KDM6A: variants seen among roughly 807,000 people sequenced by gnomAD.
The protein encoded by KDM6A is lysine-specific demethylase 6A.
A neutral mutation model predicts 117.6 loss-of-function variants in KDM6A; 11 were observed. The ratio of observed to expected loss-of-function variants is 0.09; its 90% CI spans 0.06 to 0.15. The LOEUF (loss-of-function observed/expected upper bound fraction) is 0.15, where lower values mean the gene tolerates loss of function less well. Ranked by LOEUF, KDM6A falls within the 10% of genes least tolerant of loss-of-function variation. The probability of loss-of-function intolerance (pLI) is 1.00; values close to 1 mark genes in which losing one functional copy is unlikely to be tolerated. For synonymous variants in KDM6A, 384 were observed against 396.1 expected, an observed-to-expected ratio of 0.97 and a Z score of 0.36; for missense variants, 799 against 1,077.3, an observed-to-expected ratio of 0.74 and a Z score of 3.62.
At chrX:44,916,430 A>G (rs956018901) in intron 2 of KDM6A, among the ~76,000 whole-genome samples, 1 of 111,093 alleles carries the variant, frequency 9.0e-6, no homozygotes, top group African/African-American at 3.3e-5. Context: ...ATCTGTAGCA[A>G]TTTACTTATC....
At chrX:44,981,840 T>C (rs939389927) in intron 4 of KDM6A, among the ~76,000 whole-genome samples, 12 of 111,635 alleles carry the variant, frequency 1.1e-4, no homozygotes, top group Non-Finnish European at 1.7e-4. Context: ...TCCCAGCACT[T>C]TGGGAGGCCG....
Position 45,082,660 on chromosome X carries a change from C to G in KDM6A, c.3365+20C>G. The stretch of plus-strand genomic sequence containing the variant: ...AGATAAGTAAGTCATTTTTAATGTC[C>G]ACTTAGTATTTCTTTTTAAAAGGCA... On this transcript the variant is annotated intron_variant, in intron 22 of 29. Transcript: ENST00000611820. 1 of 1,172,093 alleles carries G rather than the reference C, an allele frequency of 8.5e-7. No individual in the cohort carries two copies. Among genetic ancestry groups the G allele is most frequent in the Non-Finnish European group, 1.2e-6 (1 of 860,121 alleles).
intron 2 of KDM6A, among the ~76,000 whole-genome samples, chrX:44,934,426 A>C (rs2036847553): frequency 8.9e-6 from 1 of 112,048 alleles, no homozygotes; most frequent in Non-Finnish European, 1.9e-5. Flanking sequence ...TTTTGTATGT[A>C]ATATGATTTT....
At chrX:45,041,518 G>A (rs1244543440) in intron 8 of KDM6A, among the ~76,000 whole-genome samples, 1 of 106,983 alleles carries the variant, frequency 9.3e-6, no homozygotes, top group Non-Finnish European at 1.9e-5. Flanking sequence ...GGACGGAGGG[G>A]CTCCTCACTT....
At chrX:44,936,318 G>A in intron 2 of KDM6A, among the ~76,000 whole-genome samples, 1 of 110,928 alleles carries the variant, frequency 9.0e-6, no homozygotes, top group African/African-American at 3.3e-5. Flanking sequence ...ACCAGATAAG[G>A]TAATATTTTT....
At position 45,090,751 on chromosome X, in the gene KDM6A, G is replaced by C; in HGVS notation, c.3921G>C (p.Arg1307=). 1 of 1,209,817 alleles carries C rather than the reference G, an allele frequency of 8.3e-7. No homozygotes were observed. The highest frequency in any genetic ancestry group is 1.8e-5 in the South Asian group (1 of 56,891). Residue 1307 remains arginine, a synonymous_variant, in exon 27 of 30, where the codon CGG becomes CGC. Coordinates refer to ENST00000611820, the MANE Select transcript of KDM6A (RefSeq NM_001291415.2). ...TACQYKLAVE[R]YEWNKLQSVK... ...GCCAGTATAAATTGGCAGTGGAACGGTACGAATGGAACAAATTGCAAAGTG... is the reference window on the plus strand; with the variant it reads ...GCCAGTATAAATTGGCAGTGGAACGCTACGAATGGAACAAATTGCAAAGTG...
intron 5 of KDM6A, 54 bp from the exon 6 acceptor site, chrX:45,020,556 A>G (rs915457819): frequency 9.1e-7 from 1 of 1,096,215 alleles, no homozygotes; most frequent in African/African-American, 1.8e-5. Context: ...CTACCAAGCA[A>G]GAATTCATGC....
chrX:44,923,945 A>G (rs1446269756), intron 2 of KDM6A, among the ~76,000 whole-genome samples: 1 of 108,627 alleles, frequency 9.2e-6, no homozygotes, highest in African/African-American at 3.4e-5. Context: ...CTGGTCTCAA[A>G]CTCCTGGCCT....
At chrX:45,030,229 G>A (rs1448586351) in intron 6 of KDM6A, among the ~76,000 whole-genome samples, 1 of 108,572 alleles carries the variant, frequency 9.2e-6, no homozygotes, top group African/African-American at 3.4e-5. Context: ...TAAATCTGGA[G>A]CCAAAAAGAA....
At chrX:45,034,902 G>A (rs764377156) in intron 6 of KDM6A, 29 bp from the exon 7 acceptor site, 3 of 1,157,844 alleles carry the variant, frequency 2.6e-6, no homozygotes, top group Non-Finnish European at 3.5e-6. Flanking sequence ...TAAATTGACT[G>A]CATTAATTTT....
At chrX:44,958,221 G>A (rs1372605827) in intron 2 of KDM6A, among the ~76,000 whole-genome samples, 2 of 101,894 alleles carry the variant, frequency 2.0e-5, no homozygotes, top group Non-Finnish European at 3.9e-5. Context: ...TAGCTCTGTC[G>A]CCCATGGCTG....
In KDM6A at chrX:44,873,634, G is replaced by T; in HGVS notation, c.83G>T (p.Gly28Val). Reference sequence around the variant, plus strand: ...GATGAGGAAAAGAAAATGGCGGCGGGAAAAGCGAGCGGCGAGAGCGAGGAG... The same window carrying T: ...GATGAGGAAAAGAAAATGGCGGCGGTAAAAGCGAGCGGCGAGAGCGAGGAG... Reference protein sequence around the residue: ...FGDEEKKMAAGKASGESEEAS... With the variant: ...FGDEEKKMAAVKASGESEEAS... Residue 28 changes from glycine to valine, a missense_variant, in exon 1 of 30, where the codon GGA (glycine) becomes GTA (valine). Around this residue, in one of 8 missense-constraint regions of KDM6A, gnomAD observed 89 missense variants for 117.8 expected, o/e 0.76. Transcript: ENST00000611820. 8.3e-7 allele frequency: 1 copy of T among 1,198,144 alleles called. No individual in the cohort carries two copies. Among genetic ancestry groups the T allele is most frequent in the South Asian group, 1.8e-5 (1 of 55,611 alleles).
intron 2 of KDM6A, among the ~76,000 whole-genome samples, chrX:44,954,600 AG>A (rs1193294108): frequency 9.0e-6 from 1 of 111,615 alleles, no homozygotes; most frequent in East Asian, 2.8e-4. Flanking sequence ...TTAAAAATGT[AG>A]GAAGTTAGTG....
chrX:44,907,030 C>T (rs1173481924), intron 2 of KDM6A, among the ~76,000 whole-genome samples: 1 of 111,109 alleles, frequency 9.0e-6, no homozygotes, highest in Non-Finnish European at 1.9e-5. Flanking sequence ...CTTTCCCCCC[C>T]ACTCTCTTCT....
chrX:44,954,281 A>G (rs1305548140), intron 2 of KDM6A, among the ~76,000 whole-genome samples: 1 of 111,325 alleles, frequency 9.0e-6, no homozygotes, highest in Non-Finnish European at 1.9e-5. Context: ...TTTACGACAC[A>G]TCTTTCTGGA....
intron 2 of KDM6A, among the ~76,000 whole-genome samples, chrX:44,930,195 C>G (rs965524762): frequency 2.7e-5 from 3 of 109,280 alleles, no homozygotes; most frequent in African/African-American, 1.0e-4. Flanking sequence ...TTTATATATT[C>G]TAGATATAAG....
At chrX:45,036,691 A>T (rs2042826869) in intron 7 of KDM6A, among the ~76,000 whole-genome samples, 1 of 112,736 alleles carries the variant, frequency 8.9e-6, no homozygotes, top group African/African-American at 3.2e-5. Context: ...TTTTCAAATT[A>T]GTTTACGAGA....
chrX:44,892,294 C>T (rs934566432), intron 2 of KDM6A, among the ~76,000 whole-genome samples: 1 of 112,168 alleles, frequency 8.9e-6, no homozygotes, highest in African/African-American at 3.2e-5. Context: ...TACGGTGGCT[C>T]ACGCCTTTAA....
At chrX:45,069,527 A>G (rs1221307952) in intron 17 of KDM6A, 52 bp from the exon 18 acceptor site, 15 of 1,021,180 alleles carry the variant, frequency 1.5e-5, no homozygotes, top group Admixed American at 2.3e-5. Context: ...TAAATTCTGT[A>G]TATTCTGAGT....
Sources: allele counts gnomAD v4.1 joint callset (sites outside exome capture counted in the v4.1 genomes callset), GRCh38; gene constraint gnomAD v4.1.1; regional missense constraint gnomAD v4.1.1; transcripts MANE v1.5; gene names NCBI Gene and HGNC (gene_info 2026-07-23, HGNC 2026-07-21).